Variants in MYO10 observed in about 807,000 individuals in gnomAD.
The protein encoded by MYO10 is unconventional myosin-X.
Under a neutral mutation model 257.3 loss-of-function variants are expected in MYO10, and 133 were observed. The observed-to-expected ratio is 0.52, with a 90% confidence interval of 0.45 to 0.60. MYO10 has a LOEUF of 0.60. MYO10 is among the 20% of genes least tolerant of loss of function. The probability of loss-of-function intolerance (pLI) is 0.00; values close to 1 mark genes in which losing one functional copy is unlikely to be tolerated. For missense variants in MYO10, 2,399 were observed against 2,635.7 expected, an observed-to-expected ratio of 0.91 and a Z score of 1.97; for synonymous variants, 1,104 against 1,028.6, an observed-to-expected ratio of 1.07 and a Z score of -1.40.
At chr5:16,818,367 TGTGTGTGTGTGTGC>T (rs1205627928) in intron 2 of MYO10, among the ~76,000 whole-genome samples, 200 bp from the exon 3 acceptor site, 1 of 96,430 alleles carries the variant, frequency 1.0e-5, no homozygotes, top group East Asian at 3.6e-4. Context: ...TATGTATGTG[TGTGTGTGTGTGTGC>T]GTGTGTGTGT....
chr5:16,874,178 C>G (rs1163234577), intron 2 of MYO10, among the ~76,000 whole-genome samples: 1 of 151,670 alleles, frequency 6.6e-6, no homozygotes, highest in Admixed American at 6.6e-5. Context: ...ACTAAAAACA[C>G]AAAAAATTAG....
intron 1 of MYO10, among the ~76,000 whole-genome samples, chr5:16,895,351 C>T (rs114376068): frequency 0.019 from 2,855 of 152,280 alleles, 41 homozygotes; most frequent in Middle Eastern, 0.037. Context: ...AGGAGGCTGA[C>T]GTCTGAGGTC....
At chr5:16,907,472 A>C (rs1745549250) in intron 1 of MYO10, among the ~76,000 whole-genome samples, 1 of 152,186 alleles carries the variant, frequency 6.6e-6, no homozygotes, top group Non-Finnish European at 1.5e-5. Flanking sequence ...TCAACAGGTC[A>C]CGGGAGATTG....
rs531124123 is a variant in MYO10 at position 16,760,774 on chromosome 5, GAC to G, written c.1739+688_1739+689del. Among the ~76,000 whole-genome samples, 142 of 152,132 alleles carry G rather than the reference GAC, an allele frequency of 9.3e-4. 4 individuals are homozygous for G. In the South Asian group the frequency reaches 0.025, roughly 26 times the overall value. Reference sequence around the variant, plus strand: ...GATATTAAGGTTCTCAAGCCAACCAGACCAGATCAAAACTGGACTCGATGGCT... The same window carrying G: ...GATATTAAGGTTCTCAAGCCAACCAGCAGATCAAAACTGGACTCGATGGCT... On this transcript the variant is annotated intron_variant, in intron 17 of 40. Coordinates refer to ENST00000513610, the MANE Select transcript of MYO10 (RefSeq NM_012334.3).
At chr5:16,736,430 A>G (rs568421324) in intron 19 of MYO10, among the ~76,000 whole-genome samples, 2 of 152,282 alleles carry the variant, frequency 1.3e-5, no homozygotes, top group East Asian at 1.9e-4. Flanking sequence ...GCTCTGAGAG[A>G]GGGTCAGTTC....
chr5:16,725,969 G>T (rs1739351745), intron 19 of MYO10, among the ~76,000 whole-genome samples: 1 of 152,022 alleles, frequency 6.6e-6, no homozygotes, highest in South Asian at 2.1e-4. Context: ...TGTATTTTCA[G>T]TAGAGACAGA....
chr5:16,781,509 T>C (rs528478968), intron 6 of MYO10, among the ~76,000 whole-genome samples, 196 bp downstream of exon 6: 20 of 152,186 alleles, frequency 1.3e-4, no homozygotes, highest in Non-Finnish European at 2.5e-4. Flanking sequence ...GCTGTAACTA[T>C]AGGCACATGT....
intron 1 of MYO10, among the ~76,000 whole-genome samples, chr5:16,904,280 T>C (rs1308290363): frequency 6.6e-6 from 1 of 152,146 alleles, no homozygotes; most frequent in Non-Finnish European, 1.5e-5. Context: ...CTTCATCTAG[T>C]AGTCTGGGTA....
chr5:16,783,217 TA>T, intron 5 of MYO10, 117 bp downstream of exon 5: 2 of 1,052,552 alleles, frequency 1.9e-6, no homozygotes, highest in Non-Finnish European at 2.7e-6. Flanking sequence ...TAAGGAATTG[TA>T]AAAGAGAAGT....
chr5:16,692,946 T>C (rs1018722759), intron 27 of MYO10, among the ~76,000 whole-genome samples: 1 of 152,164 alleles, frequency 6.6e-6, no homozygotes, highest in African/African-American at 2.4e-5. Context: ...TGCCTCCCTC[T>C]CTCACAGCTT....
chr5:16,817,628 A>G (rs1273474264), intron 3 of MYO10, among the ~76,000 whole-genome samples: 1 of 152,182 alleles, frequency 6.6e-6, no homozygotes, highest in Admixed American at 6.6e-5. Context: ...AAAATCCAGA[A>G]AAGACAGCTT....
intron 29 of MYO10, among the ~76,000 whole-genome samples, chr5:16,684,731 G>A (rs1359120802): frequency 1.3e-5 from 2 of 152,170 alleles, no homozygotes; most frequent in African/African-American, 4.8e-5. Flanking sequence ...CTTTGTGTCT[G>A]GGATAGAGGG....
At chr5:16,885,198 T>A (rs1259693840) in intron 1 of MYO10, among the ~76,000 whole-genome samples, 1 of 151,894 alleles carries the variant, frequency 6.6e-6, no homozygotes, top group Admixed American at 6.6e-5. Context: ...TCTGCTTTTT[T>A]TTTTTTTTAA....
chr5:16,690,801 T>A (rs1051774619), intron 27 of MYO10, among the ~76,000 whole-genome samples: 2 of 151,924 alleles, frequency 1.3e-5, no homozygotes, highest in Admixed American at 6.6e-5. Context: ...CTCAATACCA[T>A]CTTGATCTCA....
chr5:16,813,998 G>C (rs1742521305), intron 3 of MYO10, among the ~76,000 whole-genome samples: 1 of 152,180 alleles, frequency 6.6e-6, no homozygotes, highest in African/African-American at 2.4e-5. Context: ...TCCTCCAACT[G>C]CAAGTAACTG....
chr5:16,777,808 A>ATC (rs1741263428), intron 9 of MYO10, among the ~76,000 whole-genome samples: 1 of 149,126 alleles, frequency 6.7e-6, no homozygotes, highest in South Asian at 2.1e-4. Context: ...TTAGAATGAT[A>ATC]ATGACGCCAC....
At chr5:16,808,509 A>T (rs1285469379) in intron 3 of MYO10, among the ~76,000 whole-genome samples, 2 of 152,200 alleles carry the variant, frequency 1.3e-5, no homozygotes, top group African/African-American at 4.8e-5. Flanking sequence ...CTTAGAAACA[A>T]TTTTTTAAAA....
At chr5:16,821,523 G>C (rs1742814165) in intron 2 of MYO10, among the ~76,000 whole-genome samples, 1 of 124,006 alleles carries the variant, frequency 8.1e-6, no homozygotes, top group African/African-American at 3.1e-5. Flanking sequence ...CTGGAGTGCA[G>C]TGGCGCGATC....
chr5:16,931,179 G>A lies in MYO10; in HGVS notation c.21+4609C>T, dbSNP rs192346386. On this transcript the variant is annotated intron_variant, in intron 1 of 40. Transcript: ENST00000513610. ...CCAGCTACTCGGGAGGCTGAGGCAG[G>A]AGAATCGCTTGAACCCGGGAGGCGG... 7.7e-3 allele frequency among the ~76,000 whole-genome samples: 1,168 copies of A among 152,206 alleles called. 4 individuals are homozygous for A. The highest frequency in any genetic ancestry group is 0.011 in the Non-Finnish European group (716 of 68,014).
Sources: gnomAD v4.1 joint callset for allele counts (sites outside exome capture counted in the v4.1 genomes callset) on GRCh38, gnomAD v4.1.1 for gene constraint, MANE v1.5 for transcripts, NCBI Gene and HGNC (gene_info 2026-07-23, HGNC 2026-07-21) for gene names.